TMED10: variants seen among roughly 807,000 people sequenced by gnomAD.
The protein encoded by TMED10 is transmembrane emp24 domain-containing protein 10.
Under a neutral mutation model 23.1 loss-of-function variants are expected in TMED10, and 7 were observed. The observed-to-expected ratio is 0.30, with a 90% CI of 0.17 to 0.57. TMED10 has a LOEUF of 0.57. Ranked by LOEUF, TMED10 falls within the 20% of genes least tolerant of loss-of-function variation. The probability of loss-of-function intolerance (pLI) is 0.91; values close to 1 mark genes in which losing one functional copy is unlikely to be tolerated. For synonymous variants in TMED10, 113 were observed against 106.9 expected, an observed-to-expected ratio of 1.06 and a Z score of -0.35; for missense variants, 162 against 274.8, an observed-to-expected ratio of 0.59 and a Z score of 2.90.
chr14:75,155,623 G>A (rs1256930379), intron 1 of TMED10, among the ~76,000 whole-genome samples: 1 of 152,166 alleles, frequency 6.6e-6, no homozygotes, highest in Non-Finnish European at 1.5e-5. Flanking sequence ...GCGCTTCACT[G>A]CAATGTGCAA....
chr14:75,143,667 C>T (rs1302248742), intron 3 of TMED10, among the ~76,000 whole-genome samples: 1 of 152,188 alleles, frequency 6.6e-6, no homozygotes, highest in Non-Finnish European at 1.5e-5. Flanking sequence ...GGCACAGTGG[C>T]TCATGCCTGT....
chr14:75,175,600 G>T (rs1896294090), intron 1 of TMED10, among the ~76,000 whole-genome samples: 1 of 151,556 alleles, frequency 6.6e-6, no homozygotes, highest in African/African-American at 2.4e-5. Context: ...GTGGGGTGGG[G>T]GGAGGTGGGA....
intron 1 of TMED10, among the ~76,000 whole-genome samples, chr14:75,154,478 T>C (rs1895997888): frequency 7.0e-6 from 1 of 143,596 alleles, no homozygotes; most frequent in South Asian, 2.1e-4. Context: ...AATAAAGTTA[T>C]TTTATTTTGG....
At chr14:75,164,438 G>C (rs1896124236) in intron 1 of TMED10, among the ~76,000 whole-genome samples, 1 of 148,572 alleles carries the variant, frequency 6.7e-6, no homozygotes, top group South Asian at 2.1e-4. Context: ...TCACCATGTT[G>C]GCCAGGCTGG....
intron 1 of TMED10, among the ~76,000 whole-genome samples, chr14:75,172,495 A>G (rs1272361057): frequency 1.3e-5 from 2 of 152,052 alleles, no homozygotes; most frequent in African/African-American, 4.8e-5. Context: ...TTTTTAGTAG[A>G]GACGGGGTTT....
In TMED10 at chr14:75,176,608, G is replaced by A. The variant is rs1333447253; in HGVS notation, c.-29C>T. On this transcript the variant is annotated 5_prime_UTR_variant, in exon 1 of 5. Transcript: ENST00000303575. ...GCTGGAGACTCGTTCACCACCGAAG[G>A]CCTCAACCGCGCCGGAACCGGGGGG... The A allele has an allele frequency of 1.9e-6, 3 of 1,611,820 alleles. No homozygotes were observed. Among genetic ancestry groups the A allele is most frequent in the Admixed American group, 1.7e-5 (1 of 59,762 alleles).
chr14:75,154,430 A>AG (rs1895996617), intron 1 of TMED10, among the ~76,000 whole-genome samples: 1 of 144,598 alleles, frequency 6.9e-6, no homozygotes, highest in Admixed American at 7.0e-5. Flanking sequence ...AAAAAAAAAA[A>AG]GGCATGTATC....
intron 2 of TMED10, among the ~76,000 whole-genome samples, chr14:75,148,358 A>G (rs1895913790): frequency 6.6e-6 from 1 of 151,942 alleles, no homozygotes; most frequent in Admixed American, 6.6e-5. Flanking sequence ...AATGTCATAG[A>G]GCTATTCCCA....
chr14:75,165,353 G>A (rs752067392), intron 1 of TMED10, among the ~76,000 whole-genome samples: 4 of 152,092 alleles, frequency 2.6e-5, no homozygotes, highest in Admixed American at 6.5e-5. Context: ...TCAGCCTCCC[G>A]AGTAGCTGGG....
intron 1 of TMED10, among the ~76,000 whole-genome samples, chr14:75,172,996 G>A (rs762761289): frequency 2.0e-5 from 3 of 152,178 alleles, no homozygotes; most frequent in African/African-American, 4.8e-5. Context: ...CGGGTGGGCC[G>A]GGAGCTCCCA....
At chr14:75,168,282 A>G (rs1896189114) in intron 1 of TMED10, among the ~76,000 whole-genome samples, 1 of 152,142 alleles carries the variant, frequency 6.6e-6, no homozygotes, top group Admixed American at 6.6e-5. Flanking sequence ...TTTGTTCCCC[A>G]CAAGAGCTTG....
chr14:75,142,129 T>A (rs1363160562), intron 3 of TMED10, among the ~76,000 whole-genome samples: 2 of 152,206 alleles, frequency 1.3e-5, no homozygotes, highest in Non-Finnish European at 2.9e-5. Context: ...CTACTCTCCT[T>A]CATCACTGGA....
At chr14:75,151,149 G>A (rs1051832720) in intron 2 of TMED10, among the ~76,000 whole-genome samples, 3 of 151,956 alleles carry the variant, frequency 2.0e-5, no homozygotes, top group South Asian at 2.1e-4. Flanking sequence ...CAGGTGATCC[G>A]CCCGCCTCGG....
chr14:75,166,480 T>C (rs1049030636), intron 1 of TMED10, among the ~76,000 whole-genome samples: 3 of 152,228 alleles, frequency 2.0e-5, no homozygotes, highest in African/African-American at 7.2e-5. Context: ...TGTTCCACTT[T>C]CCTAGAAACC....
At chr14:75,162,338 C>T (rs921502201) in intron 1 of TMED10, among the ~76,000 whole-genome samples, 1 of 152,260 alleles carries the variant, frequency 6.6e-6, no homozygotes, top group African/African-American at 2.4e-5. Context: ...ACACAGGAAC[C>T]TAAAGGGCTC....
intron 2 of TMED10, among the ~76,000 whole-genome samples, chr14:75,150,387 A>G (rs1208710124): frequency 2.6e-5 from 4 of 152,194 alleles, no homozygotes; most frequent in Non-Finnish European, 5.9e-5. Context: ...TCACAGCCCC[A>G]CCTGGTCCAA....
chr14:75,134,723 TA>T lies in TMED10; in HGVS notation c.*161del. 1 of 840,408 alleles carries T rather than the reference TA, an allele frequency of 1.2e-6. No homozygotes were observed. The highest frequency in any genetic ancestry group is 1.8e-6 in the Non-Finnish European group (1 of 549,878). The allele number at this position is 840,408 out of a possible 1,614,324, so 52.1% of individuals were successfully genotyped here. On this transcript the variant is annotated 3_prime_UTR_variant, in exon 5 of 5. Transcript: ENST00000303575. ...AAGTCCCTCATTGACTTGTTGGGTG[TA>T]GGTGGTACCCCATGTCCTCCCACAC...
intron 1 of TMED10, among the ~76,000 whole-genome samples, chr14:75,156,985 C>T (rs1896028502): frequency 6.9e-6 from 1 of 144,734 alleles, no homozygotes; most frequent in Non-Finnish European, 1.5e-5. Context: ...AAACAAAACA[C>T]ACCTATAGAA....
At chr14:75,141,854 A>G (rs1594865432) in intron 3 of TMED10, among the ~76,000 whole-genome samples, 2 of 152,316 alleles carry the variant, frequency 1.3e-5, no homozygotes, top group East Asian at 3.9e-4. Flanking sequence ...TCCCATTGCT[A>G]TTATTTTTGC....
Sources: gnomAD v4.1 joint callset for allele counts (sites outside exome capture counted in the v4.1 genomes callset) on GRCh38, gnomAD v4.1.1 for gene constraint, MANE v1.5 for transcripts, NCBI Gene and HGNC (gene_info 2026-07-23, HGNC 2026-07-21) for gene names.